The following FOCAD variants were observed in gnomAD, a reference collection of about 807,000 sequenced individuals.
FOCAD encodes KIAA1797.
In FOCAD, 198 loss-of-function variants were observed where a neutral mutation model predicts 225.6. The ratio of observed to expected loss-of-function variants is 0.88; its 90% confidence interval spans 0.78 to 0.99. The LOEUF (loss-of-function observed/expected upper bound fraction) is 0.99, where lower values mean the gene tolerates loss of function less well. Ranked by LOEUF, FOCAD falls within the 50% of genes least tolerant of loss-of-function variation. The probability of loss-of-function intolerance (pLI) is 0.00; values close to 1 mark genes in which losing one functional copy is unlikely to be tolerated. For missense variants in FOCAD, 2,713 were observed against 2,123.6 expected, an observed-to-expected ratio of 1.28 and a Z score of -5.46; for synonymous variants, 897 against 755.0, an observed-to-expected ratio of 1.19 and a Z score of -3.08.
intron 40 of FOCAD, 108 bp downstream of exon 40, chr9:20,986,573 C>A: frequency 9.7e-7 from 1 of 1,027,194 alleles, no homozygotes; most frequent in Non-Finnish European, 1.4e-6. Context: ...TGCTTATTGA[C>A]ACAGGTTAGG....
intron 31 of FOCAD, 46 bp from the exon 32 acceptor site, chr9:20,948,805 C>T (rs1328365014): frequency 1.3e-6 from 2 of 1,596,394 alleles, no homozygotes; most frequent in African/African-American, 2.7e-5. Context: ...GAATCTAAAC[C>T]CAAGGACTGA....
intron 6 of FOCAD, among the ~76,000 whole-genome samples, chr9:20,764,509 C>A (rs538332279): frequency 3.3e-5 from 5 of 152,346 alleles, no homozygotes; most frequent in African/African-American, 1.2e-4. Context: ...GCCTCGGCCT[C>A]CCAAAGTGCT....
intron 1 of FOCAD, among the ~76,000 whole-genome samples, chr9:20,701,626 C>A (rs934443361): frequency 6.6e-6 from 1 of 152,156 alleles, no homozygotes; most frequent in Non-Finnish European, 1.5e-5. Flanking sequence ...ACTCATTGAA[C>A]TTAAACTGAA....
chr9:20,740,454 C>G (rs1176424121), intron 5 of FOCAD, 114 bp downstream of exon 5: 4 of 583,418 alleles, frequency 6.9e-6, no homozygotes, highest in Non-Finnish European at 1.2e-5. Flanking sequence ...GATATGCACA[C>G]AGTGATTGTG....
At chr9:20,908,720 A>G (rs940296263) in intron 22 of FOCAD, among the ~76,000 whole-genome samples, 2 of 152,018 alleles carry the variant, frequency 1.3e-5, no homozygotes, top group African/African-American at 2.4e-5. Flanking sequence ...ATGTCTCTAT[A>G]TTTCTTTAAG....
intron 32 of FOCAD, 78 bp from the exon 33 acceptor site, chr9:20,949,526 T>G: frequency 4.1e-6 from 4 of 966,848 alleles, no homozygotes; most frequent in Non-Finnish European, 6.5e-6. Flanking sequence ...AGAAGATGGA[T>G]AGCTCATGCA....
intron 1 of FOCAD, among the ~76,000 whole-genome samples, chr9:20,715,084 T>G (rs561231042): frequency 2.0e-5 from 3 of 152,352 alleles, no homozygotes. Context: ...TTTTCAGGAT[T>G]AGCTCTCATG....
intron 1 of FOCAD, among the ~76,000 whole-genome samples, chr9:20,698,299 GT>G (rs1003485682): frequency 1.3e-5 from 2 of 151,460 alleles, no homozygotes; most frequent in African/African-American, 4.9e-5. Context: ...TTGCCTATTT[GT>G]TTTTTTAATT....
At chr9:20,969,115 ATTGT>A (rs1839534269) in intron 35 of FOCAD, among the ~76,000 whole-genome samples, 1 of 151,804 alleles carries the variant, frequency 6.6e-6, no homozygotes, top group South Asian at 2.1e-4. Context: ...TTTCTATTCC[ATTGT>A]GTTTATGAAA....
At chr9:20,719,317 A>G (rs1365323741) in intron 3 of FOCAD, among the ~76,000 whole-genome samples, 1 of 152,180 alleles carries the variant, frequency 6.6e-6, no homozygotes. Context: ...TTCTGACCTC[A>G]GTTGATCCAC....
chr9:20,795,520 T>C (rs1820966369), intron 11 of FOCAD, among the ~76,000 whole-genome samples: 1 of 152,144 alleles, frequency 6.6e-6, no homozygotes, highest in Non-Finnish European at 1.5e-5. Flanking sequence ...GCACGCTGGC[T>C]CATGCCTGTA....
At chr9:20,756,209 C>G (rs1829032530) in intron 5 of FOCAD, among the ~76,000 whole-genome samples, 2 of 152,092 alleles carry the variant, frequency 1.3e-5, no homozygotes, top group Non-Finnish European at 2.9e-5. Context: ...GCAATGGTAG[C>G]ATTCCCGTCA....
At chr9:20,701,758 G>C (rs1167447120) in intron 1 of FOCAD, among the ~76,000 whole-genome samples, 1 of 152,196 alleles carries the variant, frequency 6.6e-6, no homozygotes, top group Non-Finnish European at 1.5e-5. Context: ...TATGTTTTGT[G>C]CTCTGGGCAA....
Position 20,938,153 on chromosome 9 carries a change from G to A in FOCAD, c.3407+5050G>A, listed in dbSNP as rs200638099. On this transcript the variant is annotated intron_variant, in intron 28 of 43. Coordinates refer to ENST00000338382, the MANE Select transcript of FOCAD (RefSeq NM_001375567.1). ...GGTGGGACCGTAAACTAGTTCAACC[G>A]TTGTGGAAGTCAGTGTGGCGATTCC... Among the ~76,000 whole-genome samples, 1,155 of 152,270 alleles carry A rather than the reference G, an allele frequency of 7.6e-3. 16 individuals are homozygous for A. Among genetic ancestry groups the A allele is most frequent in the East Asian group, 0.045 (233 of 5,174 alleles).
In FOCAD at chr9:20,664,723, C is replaced by G. The variant is rs375604563; in HGVS notation, c.-78+5897C>G. On this transcript the variant is annotated intron_variant, in intron 2 of 45. Coordinates refer to the FOCAD transcript ENST00000380249. The stretch of plus-strand genomic sequence containing the variant: ...CAAACTCCTGGCCTCAAGCAATCCT[C>G]CTGACTTAGCATCCCAATGTGCTGG... Among the ~76,000 whole-genome samples, 9 of 151,072 alleles carry G rather than the reference C, an allele frequency of 6.0e-5. No individual in the cohort carries two copies. The East Asian group carries it at 1.4e-3, about 23-fold the overall frequency.
In FOCAD at chr9:20,758,146, T is replaced by A. The variant is rs751619473; in HGVS notation, c.449T>A (p.Val150Glu). ...GAACACAGACCTGATTGCTGGCCAGTGTTTTTGCAGCAGCTGACAGCGTTT... is the reference window on the plus strand; with the variant it reads ...GAACACAGACCTGATTGCTGGCCAGAGTTTTTGCAGCAGCTGACAGCGTTT... ...VLEHRPDCWP[V>E]FLQQLTAFFQ... The change falls in exon 6 of 44, where the codon GTG (valine) becomes GAG (glutamate). Residue 150 changes from valine to glutamate, a missense_variant. Val to Glu is a moderately radical substitution (Grantham distance 121, BLOSUM62 -2). Coordinates refer to ENST00000338382, the MANE Select transcript of FOCAD (RefSeq NM_001375567.1). 6.2e-7 allele frequency: 1 copy of A among 1,612,374 alleles called. No homozygotes were observed. The highest frequency in any genetic ancestry group is 1.3e-5 in the African/African-American group (1 of 74,812).
At chr9:20,946,598 T>C in intron 29 of FOCAD, 103 bp from the exon 30 acceptor site, 1 of 1,308,184 alleles carries the variant, frequency 7.6e-7, no homozygotes, top group Non-Finnish European at 1.0e-6. Context: ...GTGAATCCAA[T>C]TCTTACTCTG....
At chr9:20,753,493 C>A (rs1042755993) in intron 5 of FOCAD, among the ~76,000 whole-genome samples, 2 of 152,022 alleles carry the variant, frequency 1.3e-5, no homozygotes, top group Non-Finnish European at 2.9e-5. Flanking sequence ...ACCAGCCTTT[C>A]ATCCCAGGGA....
At chr9:20,790,072 G>C (rs1355969459) in intron 11 of FOCAD, among the ~76,000 whole-genome samples, 1 of 152,124 alleles carries the variant, frequency 6.6e-6, no homozygotes, top group Non-Finnish European at 1.5e-5. Context: ...TCATTTAATA[G>C]CTAAAAAATA....
Sources: gnomAD v4.1 joint callset for allele counts (sites outside exome capture counted in the v4.1 genomes callset) on GRCh38, gnomAD v4.1.1 for gene constraint, MANE v1.5 for transcripts, NCBI Gene and HGNC (gene_info 2026-07-23, HGNC 2026-07-21) for gene names.